Variants in ZC3H13 observed in about 807,000 individuals in gnomAD.
ZC3H13 encodes zinc finger CCCH-type containing 13.
In ZC3H13, 64 loss-of-function variants were observed where a neutral mutation model predicts 204.1. The observed-to-expected ratio is 0.31, with a 90% confidence interval of 0.26 to 0.39. ZC3H13 has a LOEUF of 0.39. Among genes scored for constraint, ZC3H13 ranks in the 10% least tolerant of loss-of-function variants. ZC3H13 has a pLI of 1.00. For missense variants in ZC3H13, 1,833 were observed against 2,082.7 expected, an observed-to-expected ratio of 0.88 and a Z score of 2.33; for synonymous variants, 667 against 693.7, an observed-to-expected ratio of 0.96 and a Z score of 0.60.
chr13:46,019,124 G>C (rs759601322), intron 5 of ZC3H13, among the ~76,000 whole-genome samples: 1 of 152,074 alleles, frequency 6.6e-6, no homozygotes, highest in Non-Finnish European at 1.5e-5. Context: ...AGATGGAACA[G>C]GTTTCCTTTA....
intron 4 of ZC3H13, among the ~76,000 whole-genome samples, chr13:46,041,523 A>C (rs927305268): frequency 6.6e-6 from 1 of 152,072 alleles, no homozygotes; most frequent in Admixed American, 6.6e-5. Flanking sequence ...AATACTAAAA[A>C]CCACTGAGGC....
intron 8 of ZC3H13, chr13:46,001,568 G>C (rs2040745902): frequency 1.3e-5 from 2 of 152,162 alleles, no homozygotes; most frequent in African/African-American, 4.8e-5. Flanking sequence ...GGATAACCAA[G>C]GGAGAAAAAC....
chr13:45,970,410 G>T lies in ZC3H13; in HGVS notation c.2524C>A (p.Arg842Ser). 2 of 1,613,896 alleles carry T rather than the reference G, an allele frequency of 1.2e-6. No individual in the cohort carries two copies. Among genetic ancestry groups the T allele is most frequent in the Non-Finnish European group, 1.7e-6 (2 of 1,179,868 alleles). The stretch of plus-strand genomic sequence containing the variant: ...GCATCACTGTCCGGAGAATGTTCAC[G>T]CCGGCGCTTCGGGGACTGTCTAGGG... ...PSPRQSPKRRREHSPDSDAYN... is the reference protein window; with the variant it reads ...PSPRQSPKRRSEHSPDSDAYN... The change falls in exon 13 of 19, where the codon CGT (arginine) becomes AGT (serine). Residue 842 changes from arginine to serine, a missense_variant. Physicochemically the swap from Arg to Ser is moderately radical, Grantham distance 110. Coordinates refer to ENST00000679008, the MANE Select transcript of ZC3H13 (RefSeq NM_001330564.2).
Position 46,008,077 on chromosome 13 carries a change from T to C in ZC3H13, c.746+2271A>G, listed in dbSNP as rs545337031. Among the ~76,000 whole-genome samples the C allele has an allele frequency of 4.6e-5, 7 of 152,220 alleles. No individual in the cohort carries two copies. The South Asian group carries it at 1.2e-3, about 27-fold the overall frequency. ...AGGGAAAAGTGTAAGTTTTAATTTGTCAGTAATTATATCTTTCCATTCAAT... is the reference window on the plus strand; with the variant it reads ...AGGGAAAAGTGTAAGTTTTAATTTGCCAGTAATTATATCTTTCCATTCAAT... On this transcript the variant is annotated intron_variant, in intron 7 of 18. Coordinates refer to ENST00000679008, the MANE Select transcript of ZC3H13 (RefSeq NM_001330564.2).
At chr13:46,003,466 A>G in intron 7 of ZC3H13, 130 bp from the exon 8 acceptor site, 1 of 737,324 alleles carries the variant, frequency 1.4e-6, no homozygotes, top group Non-Finnish European at 2.1e-6. Flanking sequence ...ACTAACCAAT[A>G]TCAAGAAGAA....
intron 11 of ZC3H13, among the ~76,000 whole-genome samples, chr13:45,979,038 A>G (rs538077461): frequency 2.6e-5 from 4 of 152,224 alleles, no homozygotes; most frequent in African/African-American, 9.6e-5. Flanking sequence ...TAAAGTATCA[A>G]TATTCAATTC....
At chr13:46,037,001 G>A (rs1167122026) in intron 4 of ZC3H13, among the ~76,000 whole-genome samples, 1 of 152,096 alleles carries the variant, frequency 6.6e-6, no homozygotes, top group Non-Finnish European at 1.5e-5. Flanking sequence ...TTACAGGCGT[G>A]AGCCACCACA....
At chr13:46,021,774 C>A (rs1379848172) in intron 4 of ZC3H13, among the ~76,000 whole-genome samples, 1 of 151,666 alleles carries the variant, frequency 6.6e-6, no homozygotes, top group African/African-American at 2.4e-5. Context: ...GAACAGAAGA[C>A]AAAAGGAAGA....
rs971908274 is a variant in ZC3H13, at chr13:46,045,214, T to C, written c.118-150A>G. The C allele has an allele frequency of 1.7e-5, 16 of 967,462 alleles. 1 individual carries two copies. Among genetic ancestry groups the C allele is most frequent in the South Asian group, 5.1e-5 (3 of 58,708 alleles). 59.9% of individuals were successfully genotyped at this position (967,462 alleles called of 1,614,324 possible). A position where few individuals can be genotyped will look rare whatever the true frequency, so the allele number is the denominator to read the frequency against. ...TAATAAAAACTTCAGGAAAAAAATA[T>C]GGAAAAACCCATAAACCTTATCACC... On this transcript the variant is annotated intron_variant, in intron 2 of 18. Transcript: ENST00000679008.
chr13:45,989,636 T>C (rs980348393), intron 8 of ZC3H13, among the ~76,000 whole-genome samples: 2 of 152,224 alleles, frequency 1.3e-5, no homozygotes, highest in Non-Finnish European at 2.9e-5. Flanking sequence ...ACAAAATATA[T>C]ACTGTCTTTA....
Position 45,975,455 on chromosome 13 carries a change from T to C in ZC3H13, c.2296A>G (p.Arg766Gly), listed in dbSNP as rs749984168. 3 of 1,613,416 alleles carry C rather than the reference T, an allele frequency of 1.9e-6. No homozygotes were observed. Among genetic ancestry groups the C allele is most frequent in the Non-Finnish European group, 2.5e-6 (3 of 1,179,730 alleles). The change falls in exon 12 of 19, where the codon AGA becomes GGA. Residue 766 changes from arginine to glycine, a missense_variant. This residue lies in a region of ZC3H13 where 1,574 missense variants were observed against 1,757.2 expected (regional missense o/e 0.90). Transcript: ENST00000679008. ...RERERERERE[R>G]ERERERERER... ...CGTTCCCGTTCTCGCTCTCGCTCTC[T>C]CTCCCGTTCTCGCTCTCTCTCCCTC...
chr13:45,959,597 T>C lies in ZC3H13; in HGVS notation c.4725A>G (p.Ala1575=). 6.5e-7 allele frequency: 1 copy of C among 1,548,384 alleles called. No homozygotes were observed. The highest frequency in any genetic ancestry group is 8.7e-7 in the Non-Finnish European group (1 of 1,146,082). The change falls in exon 18 of 19, where the codon GCA becomes GCG. Residue 1575 remains alanine, a synonymous_variant. Transcript: ENST00000679008. ...TTGCTCTTTCTTCTTTTCGTAGTAA[T>C]GCAGCCATATTGAGAGCCCCCAATT... ...EHELGALNMA[A]LLRKEERASL...
At chr13:45,993,032 T>C (rs921860190) in intron 8 of ZC3H13, among the ~76,000 whole-genome samples, 12 of 152,170 alleles carry the variant, frequency 7.9e-5, no homozygotes, top group Admixed American at 7.9e-4. Flanking sequence ...TATCTTCTAC[T>C]GGTTCAGTTT....
chr13:46,048,822 C>T (rs968035900), intron 1 of ZC3H13, among the ~76,000 whole-genome samples: 1 of 151,680 alleles, frequency 6.6e-6, no homozygotes, highest in Non-Finnish European at 1.5e-5. Flanking sequence ...CCCAATTTAG[C>T]GAAGAAATGA....
intron 4 of ZC3H13, among the ~76,000 whole-genome samples, chr13:46,026,739 G>A (rs1182405980): frequency 6.6e-6 from 1 of 152,056 alleles, no homozygotes; most frequent in East Asian, 1.9e-4. Flanking sequence ...CTAAAGAGGA[G>A]AACTTCCCGA....
Position 45,956,862 on chromosome 13 carries a change from T to C in ZC3H13, c.*265A>G, listed in dbSNP as rs1394447437. On this transcript the variant is annotated 3_prime_UTR_variant, in exon 19 of 19. Coordinates refer to ENST00000679008, the MANE Select transcript of ZC3H13 (RefSeq NM_001330564.2). ...CAACCATTTTCCAAAATCTTCAGTT[T>C]TAACAAAAGGCGCAGAATAAACTAC... The C allele has an allele frequency of 1.3e-5, 3 of 232,104 alleles. No homozygotes were observed. Among genetic ancestry groups the C allele is most frequent in the African/African-American group, 6.8e-5 (3 of 44,440 alleles). 14.4% of individuals were successfully genotyped at this position (232,104 alleles called of 1,614,324 possible).
chr13:45,959,765 T>C, intron 17 of ZC3H13, 119 bp from the exon 18 acceptor site: 5 of 1,130,164 alleles, frequency 4.4e-6, no homozygotes, highest in Non-Finnish European at 5.9e-6. Context: ...TTGGTGAAAA[T>C]TATTTCACAT....
chr13:45,964,269 C>T (rs1463072628), intron 16 of ZC3H13, among the ~76,000 whole-genome samples: 2 of 152,164 alleles, frequency 1.3e-5, no homozygotes, highest in African/African-American at 4.8e-5. Context: ...ACCCAACCCA[C>T]CCATACAAAT....
intron 7 of ZC3H13, among the ~76,000 whole-genome samples, chr13:46,008,319 CA>C (rs5803322): frequency 0.75 from 107,270 of 143,938 alleles, 39,880 homozygotes; most frequent in African/African-American, 0.85. Context: ...TGTTATACTC[CA>C]AAAAAAAAAA....
Sources: allele counts gnomAD v4.1 joint callset (sites outside exome capture counted in the v4.1 genomes callset), GRCh38; gene constraint gnomAD v4.1.1; regional missense constraint gnomAD v4.1.1; transcripts MANE v1.5; gene names NCBI Gene and HGNC (gene_info 2026-07-23, HGNC 2026-07-21).